TTN: variants seen among roughly 807,000 people sequenced by gnomAD.
TTN encodes the protein connectin.
TTN carries 1,525 observed loss-of-function variants against 3,223.0 expected under a neutral mutation model. The ratio of observed to expected loss-of-function variants is 0.47; its 90% CI spans 0.45 to 0.49. The LOEUF (loss-of-function observed/expected upper bound fraction) is 0.49. TTN is among the 20% of genes least tolerant of loss of function. TTN has a pLI of 0.00. For synonymous variants in TTN, 14,094 were observed against 15,161.0 expected (o/e 0.93, Z 5.17); for missense variants, 40,786 against 43,424.0 (o/e 0.94, Z 5.40).
rs376689567 is a variant in TTN, at chr2:178,720,042, A to G, written c.23600T>C (p.Ile7867Thr). The G allele has an allele frequency of 3.1e-6, 5 of 1,613,402 alleles. No individual in the cohort carries two copies. The African/African-American group carries it at 6.7e-5, about 22-fold the overall frequency. Residue 7867 changes from isoleucine to threonine, a missense_variant, in exon 81 of 363, where the codon ATA becomes ACA. Physicochemically the swap from Ile to Thr is moderately conservative, Grantham distance 89. Transcript: ENST00000589042. ...SPEASNSGKY[I>T]CQIKNDAGMR... ...TCCAGCATCGTTTTTGATTTGGCAT[A>G]TATATTTTCCAGAATTAGATGCTTC...
At chr2:178,675,816 A>T in intron 148 of TTN, 62 bp from the exon 149 acceptor site, 1 of 1,526,166 alleles carries the variant, frequency 6.6e-7, no homozygotes, top group Non-Finnish European at 8.9e-7. Flanking sequence ...AAGTAGACAC[A>T]GCAGTAATAT....
chr2:178,672,351 T>G (rs555467531), intron 154 of TTN, 56 bp downstream of exon 154: 2 of 1,598,938 alleles, frequency 1.3e-6, no homozygotes, highest in Admixed American at 1.7e-5. Flanking sequence ...TTTTTAAAAC[T>G]GAATAAAGGA....
chr2:178,707,533 G>A lies in TTN; in HGVS notation c.29034C>T (p.Thr9678=). 6.2e-7 allele frequency: 1 copy of A among 1,612,566 alleles called. No homozygotes were observed. The highest frequency in any genetic ancestry group is 8.5e-7 in the Non-Finnish European group (1 of 1,178,840). ...AGSDTTKSKV[T]IKDKPAVAPA... ...CTTTTGAGGTGTCTGTACCTTTAATGGTCACTTTTGATTTGGTAGTGTCAC... is the reference window on the plus strand; with the variant it reads ...CTTTTGAGGTGTCTGTACCTTTAATAGTCACTTTTGATTTGGTAGTGTCAC... Residue 9678 remains threonine (T), a synonymous_variant, in exon 100 of 363, where the codon ACC becomes ACT. Coordinates refer to ENST00000589042, the MANE Select transcript of TTN (RefSeq NM_001267550.2).
At chr2:178,673,166 T>G (rs2067310802) in intron 152 of TTN, among the ~76,000 whole-genome samples, 1 of 151,830 alleles carries the variant, frequency 6.6e-6, no homozygotes, top group South Asian at 2.1e-4. Context: ...CAGGGAAAAG[T>G]AGACATTTTG....
intron 152 of TTN, among the ~76,000 whole-genome samples, chr2:178,673,204 A>G (rs1456244057): frequency 2.0e-5 from 3 of 151,822 alleles, no homozygotes; most frequent in Non-Finnish European, 2.9e-5. Context: ...TGGGCTAAAC[A>G]TTACAAAAGG....
At position 178,789,389 on chromosome 2, in the gene TTN, G is replaced by T. The variant is rs1405488978; in HGVS notation, c.2047C>A (p.Gln683Lys). The T allele has an allele frequency of 1.2e-6, 2 of 1,613,420 alleles. No homozygotes were observed. The highest frequency in any genetic ancestry group is 1.7e-6 in the Non-Finnish European group (2 of 1,179,498). ...LRTRETMATRQEQIQVTHGKV... is the reference protein window; with the variant it reads ...LRTRETMATRKEQIQVTHGKV... Reference sequence around the variant, plus strand: ...CCATGGGTAACTTGGATTTGTTCTTGTCTAGTAGCCATAGTTTCTCTAGTT... The same window carrying T: ...CCATGGGTAACTTGGATTTGTTCTTTTCTAGTAGCCATAGTTTCTCTAGTT... The change falls in exon 13 of 363, where the codon CAA becomes AAA. Residue 683 changes from glutamine (Q) to lysine (K), a missense_variant. Coordinates refer to ENST00000589042, the MANE Select transcript of TTN (RefSeq NM_001267550.2).
intron 88 of TTN, 80 bp downstream of exon 88, chr2:178,717,015 C>G: frequency 6.8e-7 from 1 of 1,474,610 alleles, no homozygotes; most frequent in Non-Finnish European, 9.1e-7. Flanking sequence ...ACATAGCTCT[C>G]TCTCAAGCAC....
At chr2:178,774,777 TA>T in intron 29 of TTN, 143 bp downstream of exon 29, 1 of 991,014 alleles carries the variant, frequency 1.0e-6, no homozygotes, top group Non-Finnish European at 1.5e-6. Context: ...ATTACGAACA[TA>T]AATTTATGAT....
At chr2:178,596,678 G>GT (rs1471974479) in intron 294 of TTN, among the ~76,000 whole-genome samples, 4 of 152,106 alleles carry the variant, frequency 2.6e-5, no homozygotes, top group African/African-American at 9.7e-5. Flanking sequence ...CTGAAAGTTT[G>GT]TGGGGCTACT....
Position 178,619,810 on chromosome 2 carries a change from G to C in TTN, c.46507C>G (p.Leu15503Val). ...PGADVVFLAE[L>V]NKDKVEVQWL... is the part of the protein sequence containing the mutation. ...TGGACTTCCACCTTATCTTTATTGA[G>C]TTCTGCTAAAAAGACAACATCAGCA... The change falls in exon 250 of 363, where the codon CTC (leucine) becomes GTC (valine). Residue 15503 changes from leucine to valine, a missense_variant. By Grantham distance (32) the Leu-to-Val change is conservative (BLOSUM62 1). Coordinates refer to ENST00000589042, the MANE Select transcript of TTN (RefSeq NM_001267550.2). 6.2e-7 allele frequency: 1 copy of C among 1,612,186 alleles called. No individual in the cohort carries two copies. The highest frequency in any genetic ancestry group is 8.5e-7 in the Non-Finnish European group (1 of 1,178,892).
In TTN at chr2:178,601,459, C is replaced by T; in HGVS notation, c.55538G>A (p.Gly18513Asp). The stretch of plus-strand genomic sequence containing the variant: ...AATAGTCCTCTTCTCAATAACATAG[C>T]CTTTGATCCTGTCTCCTCCATCGTC... ...PDDDGGDRIK[G>D]YVIEKRTIDG... Residue 18513 changes from glycine (G) to aspartate (D), a missense_variant, in exon 287 of 363, where the codon GGC becomes GAC. Transcript: ENST00000589042. 4 of 1,612,942 alleles carry T rather than the reference C, an allele frequency of 2.5e-6. No individual in the cohort carries two copies. Among genetic ancestry groups the T allele is most frequent in the Non-Finnish European group, 3.4e-6 (4 of 1,179,320 alleles).
chr2:178,720,470 A>C lies in TTN; in HGVS notation c.23292T>G (p.Leu7764=). 6.2e-7 allele frequency: 1 copy of C among 1,613,708 alleles called. No homozygotes were observed. The highest frequency in any genetic ancestry group is 8.5e-7 in the Non-Finnish European group (1 of 1,179,680). Residue 7764 remains leucine (L), a synonymous_variant, in exon 80 of 363, where the codon CTT becomes CTG. Transcript: ENST00000589042. ...HFDTSLHILN[L]EASDVGEYHC... is the part of the protein sequence containing the mutation. ...GATATTCCCCGACATCGGAGGCTTCAAGATTAAGGATATGAAGACTTGTAT... is the reference window on the plus strand; with the variant it reads ...GATATTCCCCGACATCGGAGGCTTCCAGATTAAGGATATGAAGACTTGTAT...
chr2:178,639,738 C>T lies in TTN; in HGVS notation c.40837G>A (p.Ala13613Thr), dbSNP rs750346508. ...PPVEPEPTPI[A>T]APVTVPVVGK... ...ACCACTGGCACTGTTACTGGGGCAG[C>T]GATGGGGGTTGGTTCAGGTTCCACA... Residue 13613 changes from alanine (A) to threonine (T), a missense_variant, in exon 223 of 363, where the codon GCT becomes ACT. Ala to Thr is a moderately conservative substitution (Grantham distance 58, BLOSUM62 0). Transcript: ENST00000589042. The T allele has an allele frequency of 5.0e-6, 8 of 1,610,728 alleles. No individual in the cohort carries two copies. The East Asian group carries it at 6.7e-5, about 14-fold the overall frequency.
intron 242 of TTN, among the ~76,000 whole-genome samples, chr2:178,623,098 GATA>G (rs1456345701): frequency 2.0e-5 from 3 of 151,842 alleles, no homozygotes; most frequent in Non-Finnish European, 4.4e-5. Flanking sequence ...AGACTTGAAA[GATA>G]ATGTCAAAGG....
chr2:178,642,357 A>G (rs757592947), intron 218 of TTN, 40 bp from the exon 219 acceptor site: 17 of 1,521,980 alleles, frequency 1.1e-5, no homozygotes, highest in Middle Eastern at 1.7e-4. Flanking sequence ...GTGAATTTAT[A>G]TAAAAACGGA....
chr2:178,601,441 C>T lies in TTN; in HGVS notation c.55556G>A (p.Arg18519Lys). Residue 18519 changes from arginine to lysine, a missense_variant, in exon 287 of 363, where the codon AGG (arginine) becomes AAG (lysine). By Grantham distance (26) the Arg-to-Lys change is conservative. Coordinates refer to ENST00000589042, the MANE Select transcript of TTN (RefSeq NM_001267550.2). ...GGTCCAGGCTTTTCCATCAATAGTC[C>T]TCTTCTCAATAACATAGCCTTTGAT... ...DRIKGYVIEK[R>K]TIDGKAWTKV... is the part of the protein sequence containing the mutation. The T allele has an allele frequency of 1.2e-6, 2 of 1,612,908 alleles. No homozygotes were observed. The highest frequency in any genetic ancestry group is 1.7e-6 in the Non-Finnish European group (2 of 1,179,330).
rs1485761373 is a variant in TTN at position 178,569,633 on chromosome 2, A to G, written c.76499T>C (p.Ile25500Thr). The G allele has an allele frequency of 2.5e-6, 4 of 1,611,974 alleles. No individual in the cohort carries two copies. The highest frequency in any genetic ancestry group is 4.5e-5 in the East Asian group (2 of 44,598). Residue 25500 changes from isoleucine to threonine, a missense_variant, in exon 326 of 363, where the codon ATA (isoleucine) becomes ACA (threonine). Transcript: ENST00000589042. ...GEHADVPGPI[I>T]VEEKLEAPDI... ...TGGTGCTTCTAATTTTTCTTCAACT[A>G]TAATAGGTCCAGGGACGTCAGCATG...
At position 178,729,693 on chromosome 2, in the gene TTN, GCCGTGC is replaced by G. The variant is rs1553921454; in HGVS notation, c.18554_18559del (p.Gly6185_Thr6186del). On this transcript the variant is annotated inframe_deletion, in exon 63 of 363. Transcript: ENST00000589042. The stretch of plus-strand genomic sequence containing the variant: ...CACTTTGAGTTCAATGCTGCAGCTC[GCCGTGC>G]CTGCGTCATTTCGAGCTTCACACAC... 1.9e-6 allele frequency: 3 copies of G among 1,613,660 alleles called. No individual in the cohort carries two copies. The African/African-American group carries it at 4.0e-5, about 22-fold the overall frequency.
At position 178,756,474 on chromosome 2, in the gene TTN, C is replaced by G. The variant is rs2086998453; in HGVS notation, c.11002G>C (p.Asp3668His). Residue 3668 changes from aspartate to histidine, a missense_variant, in exon 46 of 363, where the codon GAC (aspartate) becomes CAC (histidine). Physicochemically the swap from Asp to His is moderately conservative, Grantham distance 81. Coordinates refer to ENST00000589042, the MANE Select transcript of TTN (RefSeq NM_001267550.2). The part of the protein sequence containing the change: ...EAPKIFLHLQ[D>H]VTVKCGDTAQ... ...GTGTCACCGCACTTTACAGTGACGT[C>G]CTGAAGATGCAGGAAAATCTTGGGC... The G allele has an allele frequency of 6.2e-7, 1 of 1,613,828 alleles. No individual in the cohort carries two copies. Among genetic ancestry groups the G allele is most frequent in the Non-Finnish European group, 8.5e-7 (1 of 1,179,814 alleles).
Sources: gnomAD v4.1 joint callset for allele counts (sites outside exome capture counted in the v4.1 genomes callset) on GRCh38, gnomAD v4.1.1 for gene constraint, MANE v1.5 for transcripts, NCBI Gene and HGNC (gene_info 2026-07-23, HGNC 2026-07-21) for gene names.